The following VOPP1 variants were observed in gnomAD, a reference collection of about 807,000 sequenced individuals.
VOPP1 encodes the protein WW domain binding protein VOPP1.
Under a neutral mutation model 23.5 loss-of-function variants are expected in VOPP1, and 8 were observed. The ratio of observed to expected loss-of-function variants is 0.34; its 90% CI spans 0.20 to 0.61. VOPP1 has a LOEUF of 0.61. Among genes scored for constraint, VOPP1 ranks in the 20% least tolerant of loss-of-function variants. The probability of loss-of-function intolerance (pLI) is 0.78; values close to 1 mark genes in which losing one functional copy is unlikely to be tolerated. For synonymous variants in VOPP1, 83 were observed against 97.3 expected (o/e 0.85, Z 0.86); for missense variants, 174 against 238.1 (o/e 0.73, Z 1.77).
At chr7:55,493,961 A>AGCTGG in intron 3 of VOPP1, among the ~76,000 whole-genome samples, 1 of 152,292 alleles carries the variant, frequency 6.6e-6, no homozygotes, top group Admixed American at 6.5e-5. Flanking sequence ...TTTTAGTGAC[A>AGCTGG]GCTGGGCTGG....
At chr7:55,561,438 C>G (rs1375409345) in intron 1 of VOPP1, among the ~76,000 whole-genome samples, 2 of 152,180 alleles carry the variant, frequency 1.3e-5, no homozygotes, top group East Asian at 3.9e-4. Context: ...AGGCCGGGCA[C>G]GGTGACTCAT....
At position 55,497,609 on chromosome 7, in the gene VOPP1, C is replaced by A; in HGVS notation, c.191+4G>T. ...GTAGGGAACAAGGAGGAGTTGTGAC[C>A]TACCAGAAGTACCACAGCCTCTGTA... On this transcript the variant is annotated splice_donor_region_variant and intron_variant, in intron 3 of 4. Transcript: ENST00000285279. 1 of 1,608,232 alleles carries A rather than the reference C, an allele frequency of 6.2e-7. No homozygotes were observed. Among genetic ancestry groups the A allele is most frequent in the African/African-American group, 1.3e-5 (1 of 74,436 alleles).
At position 55,529,502 on chromosome 7, in the gene VOPP1, C is replaced by A. The variant is rs188028826; in HGVS notation, c.55-8372G>T. Among the ~76,000 whole-genome samples, 982 of 152,134 alleles carry A rather than the reference C, an allele frequency of 6.5e-3. 15 individuals carry two copies. The highest frequency in any genetic ancestry group is 0.023 in the South Asian group (113 of 4,816). On this transcript the variant is annotated intron_variant, in intron 1 of 4. Transcript: ENST00000285279. ...AAAAGCGTTCTGAAAACTATGCTAT[C>A]TTTTAAAACATAATTATCAATATAA...
intron 2 of VOPP1, among the ~76,000 whole-genome samples, chr7:55,515,568 T>C (rs925494599): frequency 1.3e-5 from 2 of 152,170 alleles, no homozygotes; most frequent in African/African-American, 4.8e-5. Flanking sequence ...ACATGCACAG[T>C]AGTATTTATA....
intron 2 of VOPP1, among the ~76,000 whole-genome samples, chr7:55,507,833 T>C (rs978527154): frequency 3.3e-5 from 5 of 152,150 alleles, no homozygotes; most frequent in Admixed American, 1.3e-4. Flanking sequence ...GGTCAACACA[T>C]CCCATGGCGA....
chr7:55,482,032 T>G (rs946363498), intron 4 of VOPP1, among the ~76,000 whole-genome samples: 1 of 152,232 alleles, frequency 6.6e-6, no homozygotes, highest in African/African-American at 2.4e-5. Context: ...CTCTGTCATA[T>G]TTTTACATTT....
At chr7:55,517,150 T>C (rs921462782) in intron 2 of VOPP1, among the ~76,000 whole-genome samples, 9 of 151,282 alleles carry the variant, frequency 5.9e-5, no homozygotes, top group African/African-American at 2.2e-4. Flanking sequence ...GGTTTCACCA[T>C]GTTGCCCAGG....
At chr7:55,541,728 G>C (rs1385154143) in intron 1 of VOPP1, among the ~76,000 whole-genome samples, 3 of 152,330 alleles carry the variant, frequency 2.0e-5, no homozygotes, top group Admixed American at 6.5e-5. Context: ...CTGCTGAATG[G>C]ATAACCAAAT....
intron 3 of VOPP1, among the ~76,000 whole-genome samples, chr7:55,494,839 G>A (rs1793836364): frequency 6.6e-6 from 1 of 152,102 alleles, no homozygotes; most frequent in Admixed American, 6.5e-5. Flanking sequence ...GACGAAGCAG[G>A]GTGTTGGCTG....
At chr7:55,481,905 A>G (rs1005531776) in intron 4 of VOPP1, among the ~76,000 whole-genome samples, 6 of 152,128 alleles carry the variant, frequency 3.9e-5, no homozygotes, top group African/African-American at 1.5e-4. Flanking sequence ...TACTTCTACA[A>G]ACGTATTCGG....
At chr7:55,466,415 A>G (rs1316724555), downstream of VOPP1, among the ~76,000 whole-genome samples, 5 of 152,178 alleles carry the variant, frequency 3.3e-5, no homozygotes, top group Non-Finnish European at 4.4e-5. Context: ...AAAGGAGGGA[A>G]GAGTTCTGCT....
chr7:55,523,160 C>T (rs1795977048), intron 1 of VOPP1, among the ~76,000 whole-genome samples: 1 of 152,138 alleles, frequency 6.6e-6, no homozygotes, highest in Non-Finnish European at 1.5e-5. Context: ...CCACCTCCAG[C>T]AAGAACAAAG....
chr7:55,551,761 T>C (rs982094989), intron 1 of VOPP1, among the ~76,000 whole-genome samples: 3 of 151,994 alleles, frequency 2.0e-5, no homozygotes, highest in Admixed American at 2.0e-4. Context: ...TGTTGAAGGC[T>C]GGGCGGGGTG....
At chr7:55,473,174 A>C in intron 4 of VOPP1, 129 bp from the exon 5 acceptor site, 9 of 1,372,224 alleles carry the variant, frequency 6.6e-6, no homozygotes, top group African/African-American at 1.5e-5. Flanking sequence ...AGGACCCAAC[A>C]TGCCCGGTGA....
chr7:55,493,666 G>C (rs1354596807), intron 3 of VOPP1, among the ~76,000 whole-genome samples: 2 of 152,098 alleles, frequency 1.3e-5, no homozygotes, highest in Non-Finnish European at 2.9e-5. Context: ...TCACCATACT[G>C]ATCACAGCAA....
intron 4 of VOPP1, among the ~76,000 whole-genome samples, chr7:55,491,853 GAAAAC>G (rs914399047): frequency 1.3e-5 from 2 of 151,978 alleles, no homozygotes; most frequent in East Asian, 1.9e-4. Flanking sequence ...CAAAACATGA[GAAAAC>G]AAAACAAATT....
intron 1 of VOPP1, among the ~76,000 whole-genome samples, chr7:55,546,026 C>T (rs1369961111): frequency 1.3e-5 from 2 of 152,104 alleles, no homozygotes; most frequent in African/African-American, 2.4e-5. Context: ...GTGATTGCAC[C>T]ACTGCACTCC....
At chr7:55,514,377 A>G (rs1795270829) in intron 2 of VOPP1, among the ~76,000 whole-genome samples, 1 of 152,228 alleles carries the variant, frequency 6.6e-6, no homozygotes, top group African/African-American at 2.4e-5. Context: ...GAGAGGTTGG[A>G]CATTTGCCCA....
intron 4 of VOPP1, among the ~76,000 whole-genome samples, chr7:55,482,677 C>T (rs1411502300): frequency 6.6e-6 from 1 of 151,870 alleles, no homozygotes; most frequent in African/African-American, 2.4e-5. Flanking sequence ...GGGTATTAGG[C>T]ACCCAGCCTT....
Sources: allele counts gnomAD v4.1 joint callset (sites outside exome capture counted in the v4.1 genomes callset), GRCh38; gene constraint gnomAD v4.1.1; transcripts MANE v1.5; gene names NCBI Gene and HGNC (gene_info 2026-07-23, HGNC 2026-07-21).